Variants in CEP128 observed in about 807,000 individuals in gnomAD.
The protein encoded by CEP128 is centrosomal protein 128kDa.
In CEP128, 132 loss-of-function variants were observed where a neutral mutation model predicts 156.7. That is an observed-to-expected ratio of 0.84 (90% CI 0.73 to 0.97). The LOEUF (loss-of-function observed/expected upper bound fraction) is 0.97, where lower values mean the gene tolerates loss of function less well. Among genes scored for constraint, CEP128 ranks in the 50% least tolerant of loss-of-function variants. CEP128 has a pLI of 0.00. For missense variants in CEP128, 1,252 were observed against 1,281.9 expected (o/e 0.98, Z 0.36); for synonymous variants, 469 against 448.9 (o/e 1.04, Z -0.57).
intron 20 of CEP128, among the ~76,000 whole-genome samples, chr14:80,573,337 G>A (rs899984379): frequency 6.6e-6 from 1 of 152,142 alleles, no homozygotes; most frequent in African/African-American, 2.4e-5. Context: ...CAAATGATGT[G>A]TGTGTTTTTA....
chr14:80,881,386 A>G (rs1228284355), intron 8 of CEP128, among the ~76,000 whole-genome samples: 1 of 152,212 alleles, frequency 6.6e-6, no homozygotes, highest in Non-Finnish European at 1.5e-5. Flanking sequence ...AGAAAATCCA[A>G]AAGCTAAACA....
At chr14:80,598,733 T>C (rs1595067886) in intron 19 of CEP128, among the ~76,000 whole-genome samples, 2 of 152,320 alleles carry the variant, frequency 1.3e-5, no homozygotes, top group East Asian at 3.9e-4. Context: ...ATTATGGAGT[T>C]AGAGTATCAA....
At chr14:80,776,226 A>G (rs889380811) in intron 16 of CEP128, among the ~76,000 whole-genome samples, 1 of 152,202 alleles carries the variant, frequency 6.6e-6, no homozygotes, top group Non-Finnish European at 1.5e-5. Flanking sequence ...GGCTAACTTC[A>G]TAATTTCATA....
intron 12 of CEP128, among the ~76,000 whole-genome samples, chr14:80,835,876 C>T (rs142997034): frequency 1.3e-5 from 2 of 152,274 alleles, no homozygotes; most frequent in East Asian, 3.9e-4. Context: ...AGTACAAAGA[C>T]TGGTACACAC....
At chr14:80,638,881 T>G (rs1894298928) in intron 19 of CEP128, among the ~76,000 whole-genome samples, 1 of 152,190 alleles carries the variant, frequency 6.6e-6, no homozygotes, top group African/African-American at 2.4e-5. Flanking sequence ...GCCCCTTTAT[T>G]AGGTTTTAGA....
At chr14:80,820,875 A>C (rs1344050466) in intron 13 of CEP128, among the ~76,000 whole-genome samples, 1 of 152,190 alleles carries the variant, frequency 6.6e-6, no homozygotes, top group Admixed American at 6.5e-5. Flanking sequence ...AGCAAAATAC[A>C]ATCTAACATT....
intron 12 of CEP128, among the ~76,000 whole-genome samples, chr14:80,832,178 G>A (rs1409866286): frequency 2.0e-5 from 3 of 152,172 alleles, no homozygotes; most frequent in Admixed American, 2.0e-4. Flanking sequence ...GGCCTCTCCA[G>A]CCACGTGGAA....
intron 21 of CEP128, among the ~76,000 whole-genome samples, chr14:80,537,144 C>T (rs1034976185): frequency 1.1e-4 from 17 of 152,018 alleles, no homozygotes; most frequent in African/African-American, 4.1e-4. Flanking sequence ...AGAAGGCTTT[C>T]TAGGTATTTT....
chr14:80,868,190 A>G (rs1887862533), intron 8 of CEP128, among the ~76,000 whole-genome samples: 1 of 152,194 alleles, frequency 6.6e-6, no homozygotes, highest in Non-Finnish European at 1.5e-5. Context: ...AAAGCATATG[A>G]AAGCATAAAA....
chr14:80,659,619 A>G (rs1308123987), intron 19 of CEP128, among the ~76,000 whole-genome samples: 1 of 152,200 alleles, frequency 6.6e-6, no homozygotes, highest in African/African-American at 2.4e-5. Context: ...ACCAACTAAA[A>G]TGAAAAGCAC....
At chr14:80,755,260 A>G (rs1899595608) in intron 18 of CEP128, among the ~76,000 whole-genome samples, 1 of 152,154 alleles carries the variant, frequency 6.6e-6, no homozygotes, top group African/African-American at 2.4e-5. Flanking sequence ...CTTGCTCCTC[A>G]GCCTGCAGAT....
rs182449738 is a variant in CEP128 at position 80,772,528 on chromosome 14, C to T, written c.2376+5354G>A. Among the ~76,000 whole-genome samples, 31 of 152,188 alleles carry T rather than the reference C, an allele frequency of 2.0e-4. No homozygotes were observed. The East Asian group carries it at 4.3e-3, about 21-fold the overall frequency. ...GCGTGAATTGATTCTTCCTGGATGC[C>T]GGACAGGACCTGGGTACCAAGAGAG... On this transcript the variant is annotated intron_variant, in intron 16 of 24. Transcript: ENST00000555265.
intron 3 of CEP128, 29 bp downstream of exon 3, chr14:80,916,372 C>T: frequency 6.4e-7 from 1 of 1,571,902 alleles, no homozygotes; most frequent in Non-Finnish European, 8.7e-7. Context: ...TATTTAAATT[C>T]TATTAAATGC....
chr14:80,700,367 TCACGGTTCCTG>T (rs1897032724), intron 19 of CEP128, among the ~76,000 whole-genome samples: 1 of 152,062 alleles, frequency 6.6e-6, no homozygotes, highest in African/African-American at 2.4e-5. Context: ...CAGGAAAGAC[TCACGGTTCCTG>T]CAACTGTCAT....
chr14:80,572,427 T>C (rs1317960584), intron 20 of CEP128, among the ~76,000 whole-genome samples: 1 of 152,174 alleles, frequency 6.6e-6, no homozygotes, highest in African/African-American at 2.4e-5. Flanking sequence ...AGAATATTGC[T>C]TTTCACAATT....
Position 80,801,047 on chromosome 14 carries a change from G to C in CEP128, c.1210-7937C>G, listed in dbSNP as rs116996359. ...ATATGGGCAACAGATTTCACCACTG[G>C]TGGCTGATTATGACAAGTAATAGCT... On this transcript the variant is annotated intron_variant, in intron 13 of 24. Coordinates refer to ENST00000555265, the MANE Select transcript of CEP128 (RefSeq NM_152446.5). Among the ~76,000 whole-genome samples, 1,242 of 152,264 alleles carry C rather than the reference G, an allele frequency of 8.2e-3. 11 individuals are homozygous for C. The highest frequency in any genetic ancestry group is 0.01 in the Non-Finnish European group (687 of 68,032).
At chr14:80,925,431 T>C (rs1382154275) in intron 2 of CEP128, among the ~76,000 whole-genome samples, 1 of 152,098 alleles carries the variant, frequency 6.6e-6, no homozygotes, top group Admixed American at 6.6e-5. Flanking sequence ...AGAAAAAAAC[T>C]GTTAGAATTT....
intron 9 of CEP128, among the ~76,000 whole-genome samples, chr14:80,848,747 T>A (rs1886738402): frequency 6.6e-6 from 1 of 150,592 alleles, no homozygotes; most frequent in South Asian, 2.1e-4. Flanking sequence ...TCAGAGGGGA[T>A]CTATTGTCTA....
chr14:80,865,024 A>G (rs2062471568), intron 8 of CEP128, among the ~76,000 whole-genome samples: 1 of 152,148 alleles, frequency 6.6e-6, no homozygotes, highest in Non-Finnish European at 1.5e-5. Context: ...GCTCTCTAGA[A>G]CTTATTCATC....
Sources: allele counts gnomAD v4.1 joint callset (sites outside exome capture counted in the v4.1 genomes callset), GRCh38; gene constraint gnomAD v4.1.1; transcripts MANE v1.5; gene names NCBI Gene and HGNC (gene_info 2026-07-23, HGNC 2026-07-21).